Variants in CRTAP observed in about 807,000 individuals in gnomAD.
CRTAP encodes the protein cartilage associated protein.
In CRTAP, 33 loss-of-function variants were observed where a neutral mutation model predicts 42.7. The ratio of observed to expected loss-of-function variants is 0.77; its 90% CI spans 0.59 to 1.03. The LOEUF (loss-of-function observed/expected upper bound fraction) is 1.03, where lower values mean the gene tolerates loss of function less well. CRTAP is among the 50% of genes least tolerant of loss of function. The pLI is 0.00. For missense variants in CRTAP, 613 were observed against 533.9 expected (o/e 1.15, Z -1.46); for synonymous variants, 243 against 217.7 (o/e 1.12, Z -1.02).
At chr3:33,128,998 C>T (rs2030159595) in intron 3 of CRTAP, among the ~76,000 whole-genome samples, 1 of 152,250 alleles carries the variant, frequency 6.6e-6, no homozygotes, top group South Asian at 2.1e-4. Flanking sequence ...GTTCACCTTA[C>T]TCTCTTTCAA....
chr3:33,147,222 C>T lies in CRTAP; in HGVS notation c.*4774C>T, dbSNP rs11925558. On this transcript the variant is annotated 3_prime_UTR_variant, in exon 7 of 7. Coordinates refer to ENST00000320954, the MANE Select transcript of CRTAP (RefSeq NM_006371.5). ...TATGCATTGGACTTCCTGTGCCTGCCCCCAGGGGCAAGACTGATCCCCATG... is the reference window on the plus strand; with the variant it reads ...TATGCATTGGACTTCCTGTGCCTGCTCCCAGGGGCAAGACTGATCCCCATG... The T allele has an allele frequency of 0.063, 9,607 of 152,866 alleles. 1,039 individuals carry two copies. The highest frequency in any genetic ancestry group is 0.21 in the African/African-American group (8,913 of 41,518). 9.5% of individuals were successfully genotyped at this position (152,866 alleles called of 1,614,324 possible).
chr3:33,134,152 T>C (rs1026628607), intron 5 of CRTAP, 30 bp from the exon 6 acceptor site: 16 of 1,523,434 alleles, frequency 1.1e-5, no homozygotes, highest in African/African-American at 1.4e-5. Flanking sequence ...AGGTTGGTCC[T>C]ATAAACTGTT....
rs2030676709 is a variant in CRTAP, at chr3:33,144,798, A to G, written c.*2350A>G. ...ATGGAGCCCTTGGGCTCTCTGGGAA[A>G]TGGGAAATCAGCCAAAGGACTGAGA... On this transcript the variant is annotated 3_prime_UTR_variant, in exon 7 of 7. Coordinates refer to ENST00000320954, the MANE Select transcript of CRTAP (RefSeq NM_006371.5). 1 of 152,246 alleles carries G rather than the reference A, an allele frequency of 6.6e-6. No homozygotes were observed. Among genetic ancestry groups the G allele is most frequent in the Non-Finnish European group, 1.5e-5 (1 of 68,058 alleles). The allele number at this position is 152,246 out of a possible 1,614,324, so 9.4% of individuals were successfully genotyped here.
Position 33,146,374 on chromosome 3 carries a change from A to T in CRTAP, c.*3926A>T, listed in dbSNP as rs2030723987. 1 of 152,204 alleles carries T rather than the reference A, an allele frequency of 6.6e-6. No individual in the cohort carries two copies. The highest frequency in any genetic ancestry group is 1.5e-5 in the Non-Finnish European group (1 of 68,062). 9.4% of individuals were successfully genotyped at this position (152,204 alleles called of 1,614,324 possible). On this transcript the variant is annotated 3_prime_UTR_variant, in exon 7 of 7. Transcript: ENST00000320954. ...CATCTGTCCAGCCCCATTGCCACTCAGGGCATCCAAACAGGAGGCACCCGC... is the reference window on the plus strand; with the variant it reads ...CATCTGTCCAGCCCCATTGCCACTCTGGGCATCCAAACAGGAGGCACCCGC...
At chr3:33,136,534 T>C (rs1440806709) in intron 6 of CRTAP, among the ~76,000 whole-genome samples, 2 of 152,194 alleles carry the variant, frequency 1.3e-5, no homozygotes, top group Non-Finnish European at 2.9e-5. Flanking sequence ...GAGGATTGCT[T>C]GAGCCCAAGA....
Position 33,142,557 on chromosome 3 carries a change from C to T in CRTAP, c.*109C>T. ...ACCTCAGAGCCTTCTCTTTACTCTC[C>T]AAAGTGAAAGGGAAGCCCCCGTCTC... On this transcript the variant is annotated 3_prime_UTR_variant, in exon 7 of 7. Coordinates refer to ENST00000320954, the MANE Select transcript of CRTAP (RefSeq NM_006371.5). The T allele has an allele frequency of 9.2e-7, 1 of 1,086,584 alleles. No homozygotes were observed. Among genetic ancestry groups the T allele is most frequent in the Non-Finnish European group, 1.4e-6 (1 of 715,752 alleles). 67.3% of individuals were successfully genotyped at this position (1,086,584 alleles called of 1,614,324 possible).
chr3:33,134,984 C>A (rs2030380354), intron 6 of CRTAP, among the ~76,000 whole-genome samples: 1 of 152,162 alleles, frequency 6.6e-6, no homozygotes, highest in African/African-American at 2.4e-5. Context: ...TCTTCCTATA[C>A]CCGTTTTAGG....
At chr3:33,122,927 T>A (rs1405042209) in intron 2 of CRTAP, among the ~76,000 whole-genome samples, 1 of 151,918 alleles carries the variant, frequency 6.6e-6, no homozygotes, top group East Asian at 1.9e-4. Flanking sequence ...ACTTATTTCT[T>A]GGAGACCAAG....
intron 4 of CRTAP, 122 bp from the exon 5 acceptor site, chr3:33,132,433 A>G: frequency 7.0e-7 from 1 of 1,419,788 alleles, no homozygotes; most frequent in East Asian, 2.3e-5. Context: ...AGTCGGCCCC[A>G]GGCTCTCTGA....
intron 6 of CRTAP, among the ~76,000 whole-genome samples, chr3:33,138,977 A>G (rs2030499440): frequency 6.6e-6 from 1 of 152,120 alleles, no homozygotes; most frequent in African/African-American, 2.4e-5. Context: ...ATCTTGCTTT[A>G]CTAAAAATAC....
At chr3:33,133,981 T>C (rs2030347510) in intron 5 of CRTAP, among the ~76,000 whole-genome samples, 1 of 152,238 alleles carries the variant, frequency 6.6e-6, no homozygotes, top group Admixed American at 6.5e-5. Flanking sequence ...TGAGATATAA[T>C]TTATATAGGA....
chr3:33,130,285 G>C (rs1342798286), intron 4 of CRTAP, among the ~76,000 whole-genome samples: 1 of 152,180 alleles, frequency 6.6e-6, no homozygotes, highest in Non-Finnish European at 1.5e-5. Context: ...TCACTTACTA[G>C]CTTCTCTGTG....
chr3:33,120,741 ATTAT>A (rs2029869824), intron 2 of CRTAP, among the ~76,000 whole-genome samples: 1 of 152,234 alleles, frequency 6.6e-6, no homozygotes, highest in South Asian at 2.1e-4. Context: ...TGGTCATTTA[ATTAT>A]TTAGTTTTAA....
Position 33,142,640 on chromosome 3 carries a change from C to G in CRTAP, c.*192C>G. 1 of 586,412 alleles carries G rather than the reference C, an allele frequency of 1.7e-6. No individual in the cohort carries two copies. 36.3% of individuals were successfully genotyped at this position (586,412 alleles called of 1,614,324 possible). A position where few individuals can be genotyped will look rare whatever the true frequency, so the allele number is the denominator to read the frequency against. On this transcript the variant is annotated 3_prime_UTR_variant, in exon 7 of 7. Transcript: ENST00000320954. ...TTTCCTATCTTCACACCTGCCACCT[C>G]ATGTTCACACCTATCTTTCTCACCT...
In CRTAP at chr3:33,114,025, C is replaced by A; in HGVS notation, c.-53C>A. ...GCACCGTCCTCTTTCCTTTCCTTCT[C>A]CCTCCCCTTTTCCCTTCCTTCGTCC... On this transcript the variant is annotated 5_prime_UTR_variant, in exon 1 of 7. Coordinates refer to ENST00000320954, the MANE Select transcript of CRTAP (RefSeq NM_006371.5). 1 of 1,336,174 alleles carries A rather than the reference C, an allele frequency of 7.5e-7. No individual in the cohort carries two copies. The highest frequency in any genetic ancestry group is 9.9e-7 in the Non-Finnish European group (1 of 1,014,076). The allele number at this position is 1,336,174 out of a possible 1,614,324, so 82.8% of individuals were successfully genotyped here. A position where few individuals can be genotyped will look rare whatever the true frequency, so the allele number is the denominator to read the frequency against.
chr3:33,117,447 C>T (rs894564465), intron 1 of CRTAP, among the ~76,000 whole-genome samples: 2 of 152,168 alleles, frequency 1.3e-5, no homozygotes, highest in African/African-American at 2.4e-5. Context: ...TCGTCACCAG[C>T]CTACTCTAGG....
Position 33,124,541 on chromosome 3 carries a change from A to G in CRTAP, c.755A>G (p.Glu252Gly). ...CTCGCAGCCTGCGAGGGTTCCAGGG[A>G]GATCAAGGACTTCAAGGATTTCTAC... ...ECLAACEGSR[E>G]IKDFKDFYLS... The change falls in exon 3 of 7, where the codon GAG (glutamate) becomes GGG (glycine). Residue 252 changes from glutamate to glycine, a missense_variant. Coordinates refer to ENST00000320954, the MANE Select transcript of CRTAP (RefSeq NM_006371.5). The G allele has an allele frequency of 1.9e-6, 3 of 1,614,234 alleles. No individual in the cohort carries two copies. In the South Asian group the frequency reaches 3.3e-5, roughly 18 times the overall value.
chr3:33,137,283 G>A (rs752906310), intron 6 of CRTAP, among the ~76,000 whole-genome samples: 37 of 152,236 alleles, frequency 2.4e-4, no homozygotes, highest in Non-Finnish European at 4.9e-4. Context: ...GGGATTACAG[G>A]CGCGCACCAC....
intron 6 of CRTAP, among the ~76,000 whole-genome samples, chr3:33,136,099 T>C (rs1163965286): frequency 6.6e-6 from 1 of 152,216 alleles, no homozygotes; most frequent in Non-Finnish European, 1.5e-5. Context: ...ATCTACTTTC[T>C]GTTTCTGTGG....
Sources: gnomAD v4.1 joint callset for allele counts (sites outside exome capture counted in the v4.1 genomes callset) on GRCh38, gnomAD v4.1.1 for gene constraint, MANE v1.5 for transcripts, NCBI Gene and HGNC (gene_info 2026-07-23, HGNC 2026-07-21) for gene names.